HEATR5B: variants seen among roughly 807,000 people sequenced by gnomAD.
HEATR5B encodes HEAT repeat-containing protein 5B.
A neutral mutation model predicts 224.1 loss-of-function variants in HEATR5B; 156 were observed. The observed-to-expected ratio is 0.70, with a 90% CI of 0.61 to 0.80. HEATR5B has a LOEUF of 0.80. Among genes scored for constraint, HEATR5B ranks in the 30% least tolerant of loss-of-function variants. HEATR5B has a pLI of 0.00. For missense variants in HEATR5B, 2,323 were observed against 2,535.5 expected (o/e 0.92, Z 1.80); for synonymous variants, 1,027 against 893.0 (o/e 1.15, Z -2.68).
intron 21 of HEATR5B, among the ~76,000 whole-genome samples, chr2:37,037,344 C>G (rs1669561929): frequency 6.6e-6 from 1 of 151,512 alleles, no homozygotes; most frequent in Non-Finnish European, 1.5e-5. Context: ...GGGGTTTCAC[C>G]ATATTGGCCA....
chr2:37,072,045 G>T, intron 6 of HEATR5B, 65 bp downstream of exon 6: 1 of 1,288,360 alleles, frequency 7.8e-7, no homozygotes, highest in Non-Finnish European at 1.1e-6. Context: ...CCATTACACT[G>T]ACTTGCCTAT....
rs189510326 is a variant in HEATR5B at position 37,008,987 on chromosome 2, C to T, written c.4285-139G>A. 404 of 688,620 alleles carry T rather than the reference C, an allele frequency of 5.9e-4. 1 individual carries two copies. The highest frequency in any genetic ancestry group is 1.6e-3 in the South Asian group (85 of 53,580). The allele number at this position is 688,620 out of a possible 1,614,324, so 42.7% of individuals were successfully genotyped here. A position where few individuals can be genotyped will look rare whatever the true frequency, so the allele number is the denominator to read the frequency against. On this transcript the variant is annotated intron_variant, in intron 27 of 35. Transcript: ENST00000233099. ...AGAAAGTATACACTTTGGCTGGGTG[C>T]GGTGGCTCACACCTGTAATCCCAGG...
chr2:37,004,355 T>G (rs922312377), intron 30 of HEATR5B, among the ~76,000 whole-genome samples: 1 of 150,680 alleles, frequency 6.6e-6, no homozygotes, highest in African/African-American at 2.4e-5. Flanking sequence ...ACTCTGATCA[T>G]ATCTCGTATG....
Position 37,041,241 on chromosome 2 carries a change from A to G in HEATR5B, c.2748T>C (p.Leu916=), listed in dbSNP as rs1380586978. The change falls in exon 19 of 36, where the codon CTT becomes CTC. Residue 916 remains leucine, a synonymous_variant. Transcript: ENST00000233099. The stretch of plus-strand genomic sequence containing the variant: ...CACCAACATAACGATGCAAACAACC[A>G]AGAGCCAATGAATGACCAGTCCTAG... ...VVSRTGHSLA[L]GCLHRYVGGI... The G allele has an allele frequency of 1.2e-6, 2 of 1,614,058 alleles. No homozygotes were observed. Among genetic ancestry groups the G allele is most frequent in the African/African-American group, 2.7e-5 (2 of 74,938 alleles).
rs369744792 is a variant in HEATR5B at position 37,005,655 on chromosome 2, G to A, written c.4882C>T (p.Arg1628Ter). 6 of 1,613,510 alleles carry A rather than the reference G, an allele frequency of 3.7e-6. No homozygotes were observed. Among genetic ancestry groups the A allele is most frequent in the Non-Finnish European group, 4.2e-6 (5 of 1,179,596 alleles). ...LHTLLDSPYA[R>*]VHIAEDQLIG... ...ACCTGATCTTCTGCAATATGGACTC[G>A]AGCATAAGGGGAGTCTAGCAAGGTA... The change falls in exon 30 of 36, where the codon CGA becomes TGA. Residue 1628 changes from arginine (R) to a stop codon, truncating the protein, a stop_gained. Transcript: ENST00000233099. LOFTEE classifies it high-confidence loss of function.
chr2:36,984,124 CG>C (rs1665768045), intron 35 of HEATR5B, among the ~76,000 whole-genome samples: 2 of 142,532 alleles, frequency 1.4e-5, no homozygotes, highest in African/African-American at 5.3e-5. Flanking sequence ...CACTTGAACT[CG>C]GGAGGCGGAG....
At chr2:36,999,216 C>T (rs1666925979) in intron 33 of HEATR5B, among the ~76,000 whole-genome samples, 1 of 151,830 alleles carries the variant, frequency 6.6e-6, no homozygotes, top group East Asian at 1.9e-4. Flanking sequence ...GAGACGCCAT[C>T]TCAAAAAACA....
chr2:37,035,072 CAT>C (rs1669392880), intron 21 of HEATR5B, among the ~76,000 whole-genome samples: 3 of 152,072 alleles, frequency 2.0e-5, no homozygotes. Context: ...AATGGTAAAA[CAT>C]ATATGGAGAA....
At chr2:37,023,955 C>A (rs1345559647) in intron 24 of HEATR5B, among the ~76,000 whole-genome samples, 1 of 152,102 alleles carries the variant, frequency 6.6e-6, no homozygotes, top group African/African-American at 2.4e-5. Flanking sequence ...GAAGAGATAT[C>A]TGCACTCTCA....
chr2:37,024,029 A>G (rs1668620637), intron 24 of HEATR5B, among the ~76,000 whole-genome samples: 1 of 152,216 alleles, frequency 6.6e-6, no homozygotes, highest in South Asian at 2.1e-4. Context: ...TCAATTGATA[A>G]AGAAAATGTG....
intron 5 of HEATR5B, among the ~76,000 whole-genome samples, chr2:37,074,179 T>G (rs1558379535): frequency 1.3e-5 from 2 of 151,732 alleles, no homozygotes. Flanking sequence ...AAAAATTAGC[T>G]GGGCATGGTG....
chr2:37,062,089 A>C (rs766097175), intron 10 of HEATR5B, 39 bp from the exon 11 acceptor site: 1 of 1,203,248 alleles, frequency 8.3e-7, no homozygotes, highest in Non-Finnish European at 1.2e-6. Flanking sequence ...AATTCAAACA[A>C]GTTAAATTAA....
chr2:37,028,539 G>T, intron 23 of HEATR5B, 142 bp downstream of exon 23: 2 of 621,276 alleles, frequency 3.2e-6, no homozygotes, highest in Non-Finnish European at 2.6e-6. Flanking sequence ...TCAACATTTT[G>T]ACAGAGATTT....
At chr2:37,049,998 C>A (rs1213673786) in intron 17 of HEATR5B, among the ~76,000 whole-genome samples, 155 bp from the exon 18 acceptor site, 1 of 151,882 alleles carries the variant, frequency 6.6e-6, no homozygotes, top group East Asian at 1.9e-4. Context: ...TCAAGCAATC[C>A]TCCCAGCTCA....
At chr2:37,012,928 C>T (rs527596427) in intron 27 of HEATR5B, among the ~76,000 whole-genome samples, 133 of 152,220 alleles carry the variant, frequency 8.7e-4, no homozygotes, top group Non-Finnish European at 1.6e-3. Context: ...TGTATTTCTC[C>T]TGTGATAATG....
At chr2:36,995,526 G>C (rs1666641399) in intron 33 of HEATR5B, among the ~76,000 whole-genome samples, 1 of 152,034 alleles carries the variant, frequency 6.6e-6, no homozygotes, top group African/African-American at 2.4e-5. Context: ...TAAAACTAAA[G>C]TTATCCCTGG....
rs138881392 is a variant in HEATR5B at position 37,024,216 on chromosome 2, G to C, written c.3854-3380C>G. Among the ~76,000 whole-genome samples the C allele has an allele frequency of 7.9e-5, 12 of 152,328 alleles. No homozygotes were observed. In the East Asian group the frequency reaches 2.3e-3, roughly 29 times the overall value. ...AAAAAGTTAATCTAACAGAAGTAGA[G>C]AGTAGAATGGCGGTTACCAGAGGTT... On this transcript the variant is annotated intron_variant, in intron 24 of 35. Transcript: ENST00000233099.
At chr2:37,037,709 T>C in intron 21 of HEATR5B, 146 bp downstream of exon 21, 1 of 413,314 alleles carries the variant, frequency 2.4e-6, no homozygotes, top group Non-Finnish European at 4.2e-6. Flanking sequence ...TTCACTCTGA[T>C]GTGATTATTA....
At position 37,032,605 on chromosome 2, in the gene HEATR5B, A is replaced by C. The variant is rs577602649; in HGVS notation, c.3361+24T>G. The C allele has an allele frequency of 4.8e-5, 77 of 1,592,386 alleles. No individual in the cohort carries two copies. The Admixed American group carries it at 1.4e-3, about 29-fold the overall frequency. ...TGTAAAAGTAGTTAAACAAAAAACA[A>C]TATTGACCAATAATATAACTTACTG... On this transcript the variant is annotated intron_variant, in intron 22 of 35. Coordinates refer to ENST00000233099, the MANE Select transcript of HEATR5B (RefSeq NM_019024.3).
Sources: allele counts gnomAD v4.1 joint callset (sites outside exome capture counted in the v4.1 genomes callset), GRCh38; gene constraint gnomAD v4.1.1; transcripts MANE v1.5; gene names NCBI Gene and HGNC (gene_info 2026-07-23, HGNC 2026-07-21).